Variants in FREM2 observed in about 807,000 individuals in gnomAD.
The protein encoded by FREM2 is FRAS1-related extracellular matrix protein 2.
Under a neutral mutation model 219.9 loss-of-function variants are expected in FREM2, and 119 were observed. That is an observed-to-expected ratio of 0.54 (90% CI 0.47 to 0.63). FREM2 has a LOEUF of 0.63. FREM2 is among the 30% of genes least tolerant of loss of function. FREM2 has a pLI of 0.00. For missense variants in FREM2, 4,030 were observed against 3,993.6 expected, an observed-to-expected ratio of 1.01 and a Z score of -0.25; for synonymous variants, 1,562 against 1,522.8, an observed-to-expected ratio of 1.03 and a Z score of -0.60.
chr13:38,689,864 G>C lies in FREM2; in HGVS notation c.2520G>C (p.Gln840His), dbSNP rs773467733. 1 of 1,614,146 alleles carries C rather than the reference G, an allele frequency of 6.2e-7. No individual in the cohort carries two copies. The highest frequency in any genetic ancestry group is 8.5e-7 in the Non-Finnish European group (1 of 1,180,040). ...TCCTCAACACCGGCTTCACTATTCA[G>C]GAGAAGGGTCACCACATCCTGAGTG... The part of the protein sequence containing the change: ...PEILNTGFTI[Q>H]EKGHHILSET... Residue 840 changes from glutamine (Q) to histidine (H), a missense_variant, in exon 1 of 24, where the codon CAG becomes CAC. By Grantham distance (24) the Gln-to-His change is conservative. This residue lies in a region of FREM2 where 3,102 missense variants were observed against 2,950.7 expected (regional missense o/e 1.05). Transcript: ENST00000280481.
chr13:38,780,565 C>T (rs2137826957), intron 4 of FREM2, among the ~76,000 whole-genome samples: 1 of 152,314 alleles, frequency 6.6e-6, no homozygotes, highest in African/African-American at 2.4e-5. Flanking sequence ...ATTATGGAAA[C>T]CTTCCCCCCA....
At chr13:38,755,891 T>C (rs1872976874) in intron 2 of FREM2, among the ~76,000 whole-genome samples, 1 of 152,218 alleles carries the variant, frequency 6.6e-6, no homozygotes, top group Non-Finnish European at 1.5e-5. Flanking sequence ...AGATTTTCTT[T>C]GTATACCCTC....
chr13:38,689,028 G>A lies in FREM2; in HGVS notation c.1684G>A (p.Val562Ile). ...TLVPVDDQPP[V>I]LNANTGLTLA... The stretch of plus-strand genomic sequence containing the variant: ...AGTGCCTGTGGATGACCAGCCACCT[G>A]TTCTCAATGCCAACACGGGGCTGAC... The change falls in exon 1 of 24, where the codon GTT becomes ATT. Residue 562 changes from valine (V) to isoleucine (I), a missense_variant. Val to Ile is a conservative substitution (Grantham distance 29, BLOSUM62 3). Around this residue, in one of 2 missense-constraint regions of FREM2, gnomAD observed 3,102 missense variants for 2,950.7 expected, o/e 1.05. Transcript: ENST00000280481. 6.2e-7 allele frequency: 1 copy of A among 1,613,926 alleles called. No homozygotes were observed. Among genetic ancestry groups the A allele is most frequent in the East Asian group, 2.2e-5 (1 of 44,854 alleles).
intron 2 of FREM2, among the ~76,000 whole-genome samples, chr13:38,710,874 CA>C (rs1870744192): frequency 6.6e-6 from 1 of 152,188 alleles, no homozygotes; most frequent in Non-Finnish European, 1.5e-5. Flanking sequence ...CTATATCTTT[CA>C]AGAACACATA....
intron 2 of FREM2, among the ~76,000 whole-genome samples, chr13:38,705,102 A>G (rs1051136766): frequency 6.6e-6 from 1 of 152,224 alleles, no homozygotes; most frequent in African/African-American, 2.4e-5. Flanking sequence ...TGTGTTTTAG[A>G]AAGATGATTC....
intron 4 of FREM2, among the ~76,000 whole-genome samples, chr13:38,778,896 G>A (rs142412301): frequency 2.6e-5 from 4 of 152,006 alleles, no homozygotes; most frequent in East Asian, 1.9e-4. Context: ...AGGTGATACC[G>A]GAGCACATTT....
chr13:38,765,712 T>TC (rs1419661796), intron 3 of FREM2, among the ~76,000 whole-genome samples: 3 of 152,142 alleles, frequency 2.0e-5, no homozygotes, highest in East Asian at 3.9e-4. Flanking sequence ...CTTTTAAAAT[T>TC]CTTTTTTTTT....
At chr13:38,755,560 C>T (rs1872962286) in intron 2 of FREM2, among the ~76,000 whole-genome samples, 1 of 152,056 alleles carries the variant, frequency 6.6e-6, no homozygotes, top group South Asian at 2.1e-4. Context: ...GATGAAAAAA[C>T]TTACACTACA....
intron 16 of FREM2, among the ~76,000 whole-genome samples, chr13:38,865,793 T>C (rs780244476): frequency 1.3e-5 from 2 of 152,210 alleles, no homozygotes; most frequent in Non-Finnish European, 2.9e-5. Context: ...GATGGTGGAA[T>C]CTGGATATTG....
At chr13:38,868,569 G>A (rs4943613) in intron 16 of FREM2, among the ~76,000 whole-genome samples, 110,830 of 152,176 alleles carry the variant, frequency 0.73, 40,668 homozygotes, top group East Asian at 0.84. Context: ...AGAAAGCCAG[G>A]TGAACTTTTT....
intron 4 of FREM2, among the ~76,000 whole-genome samples, chr13:38,775,611 G>T (rs937144912): frequency 6.6e-6 from 1 of 152,090 alleles, no homozygotes; most frequent in Non-Finnish European, 1.5e-5. Context: ...ATTACCGAAA[G>T]ATTCACTTTA....
Position 38,880,194 on chromosome 13 carries a change from A to G in FREM2, c.9007-90A>G, listed in dbSNP as rs535440852. On this transcript the variant is annotated intron_variant, in intron 23 of 23. Coordinates refer to ENST00000280481, the MANE Select transcript of FREM2 (RefSeq NM_207361.6). ...CTGCAGACTAAAATCATTTATTAAT[A>G]TCTCTGCCATTAATTTCTCTTGCAA... The G allele has an allele frequency of 1.4e-4, 176 of 1,278,544 alleles. 2 individuals are homozygous for G. Among genetic ancestry groups the G allele is most frequent in the Non-Finnish European group, 2.9e-5 (26 of 885,732 alleles). 79.2% of individuals were successfully genotyped at this position (1,278,544 alleles called of 1,614,324 possible).
rs902031850 is a variant in FREM2, at chr13:38,756,750, C to G, written c.5264-7554C>G. On this transcript the variant is annotated intron_variant, in intron 2 of 23. Transcript: ENST00000280481. Reference sequence around the variant, plus strand: ...AGACAGGGTTTCACCATGTTGGCCACGCTGGTTTTTAAACTCCTGACCTCA... The same window carrying G: ...AGACAGGGTTTCACCATGTTGGCCAGGCTGGTTTTTAAACTCCTGACCTCA... Among the ~76,000 whole-genome samples the G allele has an allele frequency of 4.6e-5, 7 of 151,428 alleles. 1 individual carries two copies. The South Asian group carries it at 1.5e-3, about 32-fold the overall frequency.
intron 4 of FREM2, among the ~76,000 whole-genome samples, chr13:38,772,346 A>G (rs1873698376): frequency 6.6e-6 from 1 of 152,344 alleles, no homozygotes; most frequent in East Asian, 1.9e-4. Context: ...TGATGTGATA[A>G]AACAAGGTAT....
At chr13:38,738,677 T>A (rs2137777083) in intron 2 of FREM2, among the ~76,000 whole-genome samples, 1 of 151,244 alleles carries the variant, frequency 6.6e-6, no homozygotes, top group South Asian at 2.1e-4. Flanking sequence ...TTTAGAGTGA[T>A]CTATGAACCA....
At position 38,789,010 on chromosome 13, in the gene FREM2, A is replaced by G. The variant is rs1190944460; in HGVS notation, c.6019+4202A>G. On this transcript the variant is annotated intron_variant, in intron 6 of 23. Coordinates refer to ENST00000280481, the MANE Select transcript of FREM2 (RefSeq NM_207361.6). ...TATGCTTGAAGAAACTTACTTGTTC[A>G]TGATGTAATTTTATAAATTGCTGGA... 2.6e-5 allele frequency among the ~76,000 whole-genome samples: 4 copies of G among 152,046 alleles called. No homozygotes were observed. The South Asian group carries it at 6.2e-4, about 24-fold the overall frequency.
At chr13:38,702,603 G>GA (rs1158523727) in intron 2 of FREM2, among the ~76,000 whole-genome samples, 1 of 124,844 alleles carries the variant, frequency 8.0e-6, no homozygotes, top group Non-Finnish European at 1.9e-5. Flanking sequence ...ATGGGCTTGA[G>GA]AAAAAATTAG....
intron 6 of FREM2, among the ~76,000 whole-genome samples, chr13:38,833,039 G>GA (rs34330139): frequency 6.6e-6 from 1 of 151,050 alleles, no homozygotes; most frequent in Non-Finnish European, 1.5e-5. Context: ...ACTGTGTCTC[G>GA]AAAAAAAAGC....
At chr13:38,708,090 C>T (rs373431919) in intron 2 of FREM2, among the ~76,000 whole-genome samples, 1 of 152,154 alleles carries the variant, frequency 6.6e-6, no homozygotes, top group African/African-American at 2.4e-5. Context: ...ATGTAAACTG[C>T]TTAAAATAAT....
Sources: allele counts gnomAD v4.1 joint callset (sites outside exome capture counted in the v4.1 genomes callset), GRCh38; gene constraint gnomAD v4.1.1; regional missense constraint gnomAD v4.1.1; transcripts MANE v1.5; gene names NCBI Gene and HGNC (gene_info 2026-07-23, HGNC 2026-07-21).